ANTXR2: variants seen among roughly 807,000 people sequenced by gnomAD.
ANTXR2 encodes the protein ANTXR cell adhesion molecule 2.
In ANTXR2, 44 loss-of-function variants were observed where a neutral mutation model predicts 73.7. That is an observed-to-expected ratio of 0.60 (90% CI 0.47 to 0.77). ANTXR2 has a LOEUF of 0.77. ANTXR2 is among the 30% of genes least tolerant of loss of function. ANTXR2 has a pLI of 0.00. For missense variants in ANTXR2, 604 were observed against 592.5 expected (o/e 1.02, Z -0.20); for synonymous variants, 217 against 205.9 (o/e 1.05, Z -0.46).
At position 80,027,301 on chromosome 4, in the gene ANTXR2, A is replaced by T. The variant is rs1280012079; in HGVS notation, c.866+4322T>A. 2.6e-5 allele frequency among the ~76,000 whole-genome samples: 4 copies of T among 152,300 alleles called. No homozygotes were observed. In the East Asian group the frequency reaches 7.7e-4, roughly 29 times the overall value. On this transcript the variant is annotated intron_variant, in intron 10 of 16. Coordinates refer to ENST00000403729, the MANE Select transcript of ANTXR2 (RefSeq NM_058172.6). ...TAAAGGCAGAATTTATCTAATCAAGAAAGAGAAATAGAATTAATCAATTTT... is the reference window on the plus strand; with the variant it reads ...TAAAGGCAGAATTTATCTAATCAAGTAAGAGAAATAGAATTAATCAATTTT...
intron 12 of ANTXR2, among the ~76,000 whole-genome samples, chr4:80,001,621 G>A (rs1419788016): frequency 2.7e-5 from 4 of 150,006 alleles, no homozygotes; most frequent in Admixed American, 1.3e-4. Context: ...TTTCTGTCTC[G>A]TTGATCTGTC....
intron 16 of ANTXR2, among the ~76,000 whole-genome samples, chr4:79,977,274 A>G (rs1249486113): frequency 2.0e-5 from 3 of 152,256 alleles, no homozygotes; most frequent in Non-Finnish European, 4.4e-5. Flanking sequence ...ACTAAATGCT[A>G]CTAAATGCTA....
At chr4:79,947,828 C>A (rs1441705926) in intron 16 of ANTXR2, among the ~76,000 whole-genome samples, 1 of 152,126 alleles carries the variant, frequency 6.6e-6, no homozygotes. Flanking sequence ...AATTTAATTT[C>A]ACAAATATAG....
chr4:80,003,705 G>T (rs892451631), intron 12 of ANTXR2, among the ~76,000 whole-genome samples: 1 of 152,020 alleles, frequency 6.6e-6, no homozygotes, highest in Admixed American at 6.6e-5. Context: ...TTAAAACCAC[G>T]ATGAGATATC....
chr4:80,003,761 C>T (rs1472120627), intron 12 of ANTXR2, among the ~76,000 whole-genome samples: 1 of 151,732 alleles, frequency 6.6e-6, no homozygotes, highest in Non-Finnish European at 1.5e-5. Flanking sequence ...GAGAAAACAC[C>T]AAATGCTGAA....
chr4:80,042,870 T>C (rs1733335834), intron 7 of ANTXR2, among the ~76,000 whole-genome samples: 1 of 152,056 alleles, frequency 6.6e-6, no homozygotes, highest in Non-Finnish European at 1.5e-5. Flanking sequence ...CTCTTATATT[T>C]GTGAATCACA....
intron 7 of ANTXR2, among the ~76,000 whole-genome samples, chr4:80,038,440 T>G (rs1464957878): frequency 6.6e-6 from 1 of 152,076 alleles, no homozygotes; most frequent in Non-Finnish European, 1.5e-5. Context: ...GGACTGCTGG[T>G]GATCTACATC....
intron 16 of ANTXR2, among the ~76,000 whole-genome samples, chr4:79,955,332 A>G (rs1728847903): frequency 6.6e-6 from 1 of 152,194 alleles, no homozygotes; most frequent in African/African-American, 2.4e-5. Flanking sequence ...ATCTAGAATC[A>G]TAGTATTTTT....
intron 3 of ANTXR2, among the ~76,000 whole-genome samples, chr4:80,058,985 T>C (rs1734126013): frequency 6.6e-6 from 1 of 152,114 alleles, no homozygotes. Flanking sequence ...TCCTCTTTTC[T>C]GCACTTGACA....
At position 79,998,841 on chromosome 4, in the gene ANTXR2, T is replaced by C. The variant is rs150905178; in HGVS notation, c.1041+9680A>G. ...GGAACAGTTTGAAAACTCAACACAATCTATCATTCACTAATGGTAGTGCCT... is the reference window on the plus strand; with the variant it reads ...GGAACAGTTTGAAAACTCAACACAACCTATCATTCACTAATGGTAGTGCCT... On this transcript the variant is annotated intron_variant, in intron 12 of 16. Coordinates refer to ENST00000403729, the MANE Select transcript of ANTXR2 (RefSeq NM_058172.6). Among the ~76,000 whole-genome samples the C allele has an allele frequency of 4.6e-3, 693 of 152,072 alleles. 10 individuals are homozygous for C. Among genetic ancestry groups the C allele is most frequent in the African/African-American group, 0.016 (658 of 41,512 alleles).
chr4:80,055,318 T>C (rs1441180270), intron 5 of ANTXR2, 42 bp downstream of exon 5: 1 of 1,571,908 alleles, frequency 6.4e-7, no homozygotes, highest in Non-Finnish European at 8.7e-7. Flanking sequence ...CACACAGCGA[T>C]GTACAGTGGG....
intron 10 of ANTXR2, among the ~76,000 whole-genome samples, chr4:80,019,346 C>T (rs1023394458): frequency 2.1e-4 from 32 of 152,076 alleles, no homozygotes; most frequent in Admixed American, 5.9e-4. Flanking sequence ...CAGCCCGGGC[C>T]GACAACAGCG....
rs1734866068 is a variant in ANTXR2 at position 80,072,641 on chromosome 4, C to T, written c.-81G>A. On this transcript the variant is annotated 5_prime_UTR_variant, in exon 1 of 17. Coordinates refer to ENST00000403729, the MANE Select transcript of ANTXR2 (RefSeq NM_058172.6). The stretch of plus-strand genomic sequence containing the variant: ...GGTCGCAAAGGTGGCGGGAGTCACC[C>T]GGCACGCACTCTGGGGTGGGGGGCG... 2 of 1,363,914 alleles carry T rather than the reference C, an allele frequency of 1.5e-6. No homozygotes were observed. The highest frequency in any genetic ancestry group is 3.6e-5 in the Admixed American group (1 of 27,632). The allele number at this position is 1,363,914 out of a possible 1,614,324, so 84.5% of individuals were successfully genotyped here.
intron 2 of ANTXR2, among the ~76,000 whole-genome samples, chr4:80,069,809 T>C (rs772687952): frequency 1.1e-4 from 17 of 152,200 alleles, no homozygotes; most frequent in Middle Eastern, 3.2e-3. Context: ...TCGTAGAAAA[T>C]TCCTCTTCCC....
intron 14 of ANTXR2, among the ~76,000 whole-genome samples, chr4:79,979,684 G>A (rs950155323): frequency 2.0e-5 from 3 of 152,144 alleles, no homozygotes; most frequent in Non-Finnish European, 4.4e-5. Context: ...TAAACCTTTA[G>A]AGCTAGATAG....
intron 10 of ANTXR2, among the ~76,000 whole-genome samples, chr4:80,025,291 A>G (rs1031628132): frequency 1.3e-5 from 2 of 152,190 alleles, no homozygotes; most frequent in Non-Finnish European, 2.9e-5. Context: ...ACTCTTCCAA[A>G]ACAGGAGAAT....
At chr4:80,008,144 G>T (rs1411116015) in intron 12 of ANTXR2, among the ~76,000 whole-genome samples, 1 of 152,032 alleles carries the variant, frequency 6.6e-6, no homozygotes, top group Non-Finnish European at 1.5e-5. Context: ...AAGAGGAAAT[G>T]AATAATTAAA....
intron 7 of ANTXR2, among the ~76,000 whole-genome samples, chr4:80,043,258 T>C (rs1273269073): frequency 2.9e-5 from 2 of 69,144 alleles, no homozygotes; most frequent in African/African-American, 1.0e-4. Context: ...TGGTATAAAA[T>C]GGCTGCATTC....
chr4:79,962,519 C>T (rs998726770), intron 16 of ANTXR2, among the ~76,000 whole-genome samples: 4 of 152,058 alleles, frequency 2.6e-5, no homozygotes, highest in African/African-American at 9.7e-5. Flanking sequence ...GTATTCTTTT[C>T]CAGCTTTGTT....
Sources: allele counts gnomAD v4.1 joint callset (sites outside exome capture counted in the v4.1 genomes callset), GRCh38; gene constraint gnomAD v4.1.1; transcripts MANE v1.5; gene names NCBI Gene and HGNC (gene_info 2026-07-23, HGNC 2026-07-21).